VWC2: variants seen among roughly 807,000 people sequenced by gnomAD.
VWC2 encodes von Willebrand factor C domain containing 2.
VWC2 carries 14 observed loss-of-function variants against 29.8 expected under a neutral mutation model. The observed-to-expected ratio is 0.47, with a 90% CI of 0.31 to 0.74. The LOEUF (loss-of-function observed/expected upper bound fraction) is 0.74, where lower values mean the gene tolerates loss of function less well. Ranked by LOEUF, VWC2 falls within the 30% of genes least tolerant of loss-of-function variation. The pLI, the probability that VWC2 is intolerant of heterozygous loss-of-function variation, is 0.05. For missense variants in VWC2, 457 were observed against 459.8 expected (o/e 0.99, Z 0.05); for synonymous variants, 213 against 199.0 (o/e 1.07, Z -0.59).
chr7:49,855,774 C>A (rs1291044670), intron 3 of VWC2, among the ~76,000 whole-genome samples: 1 of 152,170 alleles, frequency 6.6e-6, no homozygotes, highest in East Asian at 1.9e-4. Context: ...CAGAAGCCAG[C>A]CCAGCCCTCC....
intron 2 of VWC2, among the ~76,000 whole-genome samples, chr7:49,786,702 G>A (rs536496431): frequency 2.6e-5 from 4 of 152,250 alleles, no homozygotes; most frequent in Non-Finnish European, 2.9e-5. Flanking sequence ...GTATCTCATT[G>A]TGATTATGAT....
At chr7:49,830,629 A>G (rs1318813331) in intron 3 of VWC2, among the ~76,000 whole-genome samples, 3 of 151,974 alleles carry the variant, frequency 2.0e-5, no homozygotes, top group African/African-American at 7.3e-5. Flanking sequence ...TTAACTGGTC[A>G]TTTACATTAG....
At chr7:49,874,047 A>T (rs1223318508) in intron 3 of VWC2, among the ~76,000 whole-genome samples, 2 of 152,084 alleles carry the variant, frequency 1.3e-5, no homozygotes, top group African/African-American at 4.8e-5. Context: ...TATAGCATAC[A>T]TGGCATATTT....
chr7:49,817,501 C>G (rs1583647804), intron 3 of VWC2, among the ~76,000 whole-genome samples: 2 of 152,268 alleles, frequency 1.3e-5, no homozygotes, highest in East Asian at 1.9e-4. Flanking sequence ...GGAGAATAAG[C>G]CAATGAATAT....
At chr7:49,777,137 G>C (rs1481648133) in intron 2 of VWC2, among the ~76,000 whole-genome samples, 1 of 152,182 alleles carries the variant, frequency 6.6e-6, no homozygotes, top group Non-Finnish European at 1.5e-5. Context: ...CTCAAGGTAG[G>C]TTCAACCTAT....
chr7:49,830,523 TTTA>T (rs1250685566), intron 3 of VWC2, among the ~76,000 whole-genome samples: 4 of 152,208 alleles, frequency 2.6e-5, no homozygotes, highest in Non-Finnish European at 5.9e-5. Context: ...TTTTCTCTTT[TTTA>T]TTATTATTAT....
At chr7:49,853,999 A>G (rs2128717654) in intron 3 of VWC2, among the ~76,000 whole-genome samples, 1 of 152,024 alleles carries the variant, frequency 6.6e-6, no homozygotes, top group South Asian at 2.1e-4. Context: ...TTTGCTGAGA[A>G]TGATGGTTTC....
chr7:49,893,601 T>A (rs1354526653), intron 3 of VWC2, among the ~76,000 whole-genome samples: 1 of 151,678 alleles, frequency 6.6e-6, no homozygotes, highest in Non-Finnish European at 1.5e-5. Context: ...TTTAGTTTAC[T>A]CTTAGTGAAA....
At chr7:49,859,661 G>A (rs1347559908) in intron 3 of VWC2, among the ~76,000 whole-genome samples, 1 of 152,230 alleles carries the variant, frequency 6.6e-6, no homozygotes, top group Non-Finnish European at 1.5e-5. Context: ...GCTCTCTAAA[G>A]TGCTATAGAT....
chr7:49,902,084 G>A (rs972596681), intron 3 of VWC2, among the ~76,000 whole-genome samples: 13 of 151,858 alleles, frequency 8.6e-5, no homozygotes, highest in East Asian at 5.8e-4. Flanking sequence ...CATAAAAGTC[G>A]TAGAAGATCA....
At chr7:49,778,700 G>A (rs1480006573) in intron 2 of VWC2, among the ~76,000 whole-genome samples, 1 of 152,240 alleles carries the variant, frequency 6.6e-6, no homozygotes, top group African/African-American at 2.4e-5. Context: ...CACGGGCTTT[G>A]TGGGTTGCAG....
intron 3 of VWC2, among the ~76,000 whole-genome samples, chr7:49,868,035 T>C (rs1282338423): frequency 1.3e-5 from 2 of 152,110 alleles, no homozygotes; most frequent in Admixed American, 6.5e-5. Context: ...GGTTTCACCA[T>C]ATTGACCAGG....
chr7:49,888,054 A>G (rs1427672136), intron 3 of VWC2, among the ~76,000 whole-genome samples: 1 of 152,226 alleles, frequency 6.6e-6, no homozygotes, highest in Non-Finnish European at 1.5e-5. Flanking sequence ...GGCTTTGATA[A>G]TTGATCATGT....
intron 3 of VWC2, among the ~76,000 whole-genome samples, chr7:49,838,913 C>T (rs544665708): frequency 1.3e-5 from 2 of 152,200 alleles, no homozygotes; most frequent in East Asian, 1.9e-4. Flanking sequence ...ATTGTGTCCT[C>T]CTAAAATTTG....
At chr7:49,813,317 C>T (rs1789056385) in intron 3 of VWC2, among the ~76,000 whole-genome samples, 1 of 152,248 alleles carries the variant, frequency 6.6e-6, no homozygotes, top group Non-Finnish European at 1.5e-5. Context: ...TCCCAAAGCC[C>T]CGTGTGTAGC....
At chr7:49,792,955 C>T (rs1206681999) in intron 2 of VWC2, among the ~76,000 whole-genome samples, 1 of 152,214 alleles carries the variant, frequency 6.6e-6, no homozygotes, top group Non-Finnish European at 1.5e-5. Context: ...CTACCTGGGT[C>T]TCTAGATCTG....
intron 3 of VWC2, among the ~76,000 whole-genome samples, chr7:49,842,293 A>G (rs535604963): frequency 1.3e-5 from 2 of 152,238 alleles, no homozygotes; most frequent in African/African-American, 2.4e-5. Context: ...GAGAGATGTT[A>G]TCATTCAGGA....
chr7:49,817,763 T>C (rs1361976732), intron 3 of VWC2, among the ~76,000 whole-genome samples: 4 of 152,234 alleles, frequency 2.6e-5, no homozygotes, highest in Non-Finnish European at 5.9e-5. Context: ...TTGCCAATCC[T>C]GACAGCTGCA....
chr7:49,797,201 C>CT (rs1316952779), intron 2 of VWC2, among the ~76,000 whole-genome samples: 1 of 152,074 alleles, frequency 6.6e-6, no homozygotes, highest in Non-Finnish European at 1.5e-5. Flanking sequence ...AGTCATAACT[C>CT]TGAGTAGTTG....
Sources: allele counts gnomAD v4.1 joint callset (sites outside exome capture counted in the v4.1 genomes callset), GRCh38; gene constraint gnomAD v4.1.1; transcripts MANE v1.5; gene names NCBI Gene and HGNC (gene_info 2026-07-23, HGNC 2026-07-21).